The following TMPRSS11A variants were observed in gnomAD, a reference collection of about 807,000 sequenced individuals.
TMPRSS11A encodes the protein transmembrane protease serine 11A.
In TMPRSS11A, 53 loss-of-function variants were observed where a neutral mutation model predicts 58.9. That is an observed-to-expected ratio of 0.90 (90% CI 0.72 to 1.13). The LOEUF (loss-of-function observed/expected upper bound fraction) is 1.13, where lower values mean the gene tolerates loss of function less well. Among genes scored for constraint, TMPRSS11A ranks in the 50% most tolerant of loss-of-function variants. TMPRSS11A has a pLI of 0.00. For missense variants in TMPRSS11A, 493 were observed against 499.3 expected (o/e 0.99, Z 0.12); for synonymous variants, 167 against 169.8 (o/e 0.98, Z 0.13).
chr4:67,910,278 T>A lies in TMPRSS11A; in HGVS notation c.*1064A>T, dbSNP rs911231413. ...TGTTATATGCAGTAGGTGCTCAAATTTTATATTTATTTTCAAATTTTTCTA... is the reference window on the plus strand; with the variant it reads ...TGTTATATGCAGTAGGTGCTCAAATATTATATTTATTTTCAAATTTTTCTA... On this transcript the variant is annotated 3_prime_UTR_variant, in exon 10 of 10. Coordinates refer to ENST00000508048, the MANE Select transcript of TMPRSS11A (RefSeq NM_001114387.2). 1 of 152,026 alleles carries A rather than the reference T, an allele frequency of 6.6e-6. No individual in the cohort carries two copies. The highest frequency in any genetic ancestry group is 1.5e-5 in the Non-Finnish European group (1 of 67,930). 9.4% of individuals were successfully genotyped at this position (152,026 alleles called of 1,614,324 possible).
chr4:67,955,433 C>T (rs944792975), intron 1 of TMPRSS11A, among the ~76,000 whole-genome samples: 22 of 152,102 alleles, frequency 1.4e-4, no homozygotes, highest in East Asian at 1.2e-3. Flanking sequence ...AAAGTTTGTA[C>T]GATATGGTAT....
chr4:67,937,749 A>G (rs1453828729), intron 3 of TMPRSS11A, among the ~76,000 whole-genome samples: 1 of 152,118 alleles, frequency 6.6e-6, no homozygotes, highest in Non-Finnish European at 1.5e-5. Context: ...ATAGTATTCC[A>G]TGGTATATAT....
At chr4:67,953,596 C>T (rs1354448483) in intron 1 of TMPRSS11A, among the ~76,000 whole-genome samples, 4 of 152,006 alleles carry the variant, frequency 2.6e-5, no homozygotes, top group South Asian at 2.1e-4. Context: ...GTTGGGAGTT[C>T]GAGACCAGCC....
intron 1 of TMPRSS11A, among the ~76,000 whole-genome samples, chr4:67,956,154 A>C (rs2109771393): frequency 6.6e-6 from 1 of 152,266 alleles, no homozygotes; most frequent in Non-Finnish European, 1.5e-5. Context: ...ACTCTAGCAT[A>C]AGTCCTACTC....
intron 3 of TMPRSS11A, among the ~76,000 whole-genome samples, chr4:67,935,670 T>C (rs1720734838): frequency 6.6e-6 from 1 of 152,208 alleles, no homozygotes; most frequent in Non-Finnish European, 1.5e-5. Flanking sequence ...TAGTATATTT[T>C]TGTTGAATTA....
intron 1 of TMPRSS11A, among the ~76,000 whole-genome samples, chr4:67,949,923 A>G (rs1191922701): frequency 1.3e-5 from 2 of 152,206 alleles, no homozygotes; most frequent in Non-Finnish European, 2.9e-5. Context: ...ATATTACTTC[A>G]TATTTGAAAA....
chr4:67,957,310 T>A (rs1041153592), intron 1 of TMPRSS11A, among the ~76,000 whole-genome samples: 4 of 152,126 alleles, frequency 2.6e-5, no homozygotes, highest in African/African-American at 9.7e-5. Flanking sequence ...ATAGGAAAAT[T>A]TGGGAAAGTT....
At chr4:67,947,754 C>T (rs1218677493) in intron 1 of TMPRSS11A, among the ~76,000 whole-genome samples, 2 of 152,152 alleles carry the variant, frequency 1.3e-5, no homozygotes, top group African/African-American at 4.8e-5. Context: ...TATTAGTTTG[C>T]ATGTATGTTC....
intron 1 of TMPRSS11A, among the ~76,000 whole-genome samples, chr4:67,951,790 G>A (rs949821631): frequency 2.0e-5 from 3 of 152,228 alleles, no homozygotes; most frequent in African/African-American, 7.2e-5. Context: ...AACTCCTAAT[G>A]TAACTGAACA....
At chr4:67,938,852 G>A in intron 3 of TMPRSS11A, among the ~76,000 whole-genome samples, 1 of 148,572 alleles carries the variant, frequency 6.7e-6, no homozygotes, top group East Asian at 1.9e-4. Context: ...TGAGGCCTCT[G>A]GCTCTGTTCT....
At chr4:67,913,608 C>CT (rs1720063673) in intron 9 of TMPRSS11A, among the ~76,000 whole-genome samples, 1 of 152,196 alleles carries the variant, frequency 6.6e-6, no homozygotes, top group African/African-American at 2.4e-5. Flanking sequence ...TGCTCCAAGA[C>CT]TCCTGCACCT....
intron 1 of TMPRSS11A, among the ~76,000 whole-genome samples, chr4:67,959,256 T>C (rs1044686134): frequency 2.1e-4 from 32 of 152,194 alleles, no homozygotes; most frequent in African/African-American, 7.7e-4. Flanking sequence ...ACTCAAATTA[T>C]AGAAAGCCTA....
chr4:67,944,112 T>C (rs2109760566), intron 3 of TMPRSS11A, among the ~76,000 whole-genome samples: 1 of 152,264 alleles, frequency 6.6e-6, no homozygotes, highest in East Asian at 1.9e-4. Context: ...ATTCTGAAAA[T>C]ACTCAAAATC....
intron 5 of TMPRSS11A, among the ~76,000 whole-genome samples, chr4:67,929,500 A>C (rs1421328518): frequency 6.6e-6 from 1 of 152,230 alleles, no homozygotes; most frequent in East Asian, 1.9e-4. Context: ...ACTATCAATA[A>C]AAGTATGGCA....
chr4:67,910,813 A>C lies in TMPRSS11A; in HGVS notation c.*529T>G, dbSNP rs890923468. On this transcript the variant is annotated 3_prime_UTR_variant, in exon 10 of 10. Coordinates refer to ENST00000508048, the MANE Select transcript of TMPRSS11A (RefSeq NM_001114387.2). ...TATCAGACTTTGTTTCCTACATATG[A>C]CTTTCTTTTATTGGTGTCTCTCAAA... 1 of 152,150 alleles carries C rather than the reference A, an allele frequency of 6.6e-6. No individual in the cohort carries two copies. Among genetic ancestry groups the C allele is most frequent in the Non-Finnish European group, 1.5e-5 (1 of 67,916 alleles). The allele number at this position is 152,150 out of a possible 1,614,324, so 9.4% of individuals were successfully genotyped here.
At chr4:67,946,356 G>A in intron 2 of TMPRSS11A, 94 bp downstream of exon 2, 2 of 1,312,320 alleles carry the variant, frequency 1.5e-6, no homozygotes, top group Non-Finnish European at 2.0e-6. Context: ...AGGTAAATGT[G>A]CAATTTTTTA....
intron 1 of TMPRSS11A, among the ~76,000 whole-genome samples, chr4:67,948,892 C>T (rs1160441148): frequency 6.6e-6 from 1 of 151,820 alleles, no homozygotes; most frequent in Admixed American, 6.6e-5. Flanking sequence ...TACTAGTTAT[C>T]TCAAACTCAG....
chr4:67,963,088 A>G (rs1026790997), intron 1 of TMPRSS11A, among the ~76,000 whole-genome samples: 1 of 152,258 alleles, frequency 6.6e-6, no homozygotes, highest in Non-Finnish European at 1.5e-5. Flanking sequence ...ACACAAAAAA[A>G]TCAAAACCAA....
Position 67,922,887 on chromosome 4 carries a change from A to G in TMPRSS11A, c.560T>C (p.Ile187Thr). ...CTTGGGTGCAATGACTCCAGATGCTATTCTGTTGACGTTTAATGGAACAAC... is the reference window on the plus strand; with the variant it reads ...CTTGGGTGCAATGACTCCAGATGCTGTTCTGTTGACGTTTAATGGAACAAC... The part of the protein sequence containing the change: ...KRVVPLNVNR[I>T]ASGVIAPKAA... The change falls in exon 7 of 10, where the codon ATA becomes ACA. Residue 187 changes from isoleucine to threonine, a missense_variant. Physicochemically the swap from Ile to Thr is moderately conservative, Grantham distance 89. Coordinates refer to ENST00000508048, the MANE Select transcript of TMPRSS11A (RefSeq NM_001114387.2). The G allele has an allele frequency of 1.2e-6, 2 of 1,614,204 alleles. No homozygotes were observed. Among genetic ancestry groups the G allele is most frequent in the South Asian group, 1.1e-5 (1 of 91,082 alleles).
Sources: allele counts gnomAD v4.1 joint callset (sites outside exome capture counted in the v4.1 genomes callset), GRCh38; gene constraint gnomAD v4.1.1; transcripts MANE v1.5; gene names NCBI Gene and HGNC (gene_info 2026-07-23, HGNC 2026-07-21).